EEF1AKMT1: variants seen among roughly 807,000 people sequenced by gnomAD.
The protein encoded by EEF1AKMT1 is EEF1A lysine methyltransferase 1.
Under a neutral mutation model 21.0 loss-of-function variants are expected in EEF1AKMT1, and 18 were observed. That is an observed-to-expected ratio of 0.86 (90% CI 0.59 to 1.27). The LOEUF (loss-of-function observed/expected upper bound fraction) is 1.27. Among genes scored for constraint, EEF1AKMT1 ranks in the 50% most tolerant of loss-of-function variants. EEF1AKMT1 has a pLI of 0.00. For synonymous variants in EEF1AKMT1, 109 were observed against 94.8 expected, an observed-to-expected ratio of 1.15 and a Z score of -0.87; for missense variants, 246 against 258.6, an observed-to-expected ratio of 0.95 and a Z score of 0.33.
At chr13:20,747,398 C>A in intron 2 of EEF1AKMT1, 1 of 228,302 alleles carries the variant, frequency 4.4e-6, no homozygotes, top group Admixed American at 4.1e-5. Flanking sequence ...CACTCAGTTG[C>A]CCTCAACACA....
At chr13:20,730,204 C>T (rs1174722280) in intron 4 of EEF1AKMT1, among the ~76,000 whole-genome samples, 5 of 152,232 alleles carry the variant, frequency 3.3e-5, no homozygotes, top group African/African-American at 9.6e-5. Context: ...GAGGCCAGAG[C>T]GCTGCCTGCT....
intron 3 of EEF1AKMT1, among the ~76,000 whole-genome samples, chr13:20,736,340 G>T (rs997771045): frequency 2.0e-5 from 3 of 152,146 alleles, no homozygotes; most frequent in Admixed American, 1.3e-4. Context: ...TCACAATCAA[G>T]AGGAAGGGTA....
chr13:20,765,033 G>A (rs1373218976), intron 1 of EEF1AKMT1, among the ~76,000 whole-genome samples: 3 of 151,874 alleles, frequency 2.0e-5, no homozygotes, highest in Non-Finnish European at 4.4e-5. Flanking sequence ...AGGCTGAGGC[G>A]GGTGGATCAC....
intron 1 of EEF1AKMT1, chr13:20,769,090 C>T (rs567453025): frequency 3.9e-5 from 6 of 152,160 alleles, no homozygotes; most frequent in Admixed American, 1.3e-4. Flanking sequence ...ATGGTTGTCA[C>T]TGGGAAGTCT....
Position 20,743,794 on chromosome 13 carries a change from A to T in EEF1AKMT1, c.145-5989T>A, listed in dbSNP as rs947560288. On this transcript the variant is annotated intron_variant, in intron 2 of 4. Coordinates refer to ENST00000382758, the MANE Select transcript of EEF1AKMT1 (RefSeq NM_001318939.2). ...CTAATCAACCCATCATGTAGGTTTTAAGCCCCACATGCATGAGGTATTTGT... is the reference window on the plus strand; with the variant it reads ...CTAATCAACCCATCATGTAGGTTTTTAGCCCCACATGCATGAGGTATTTGT... 2.6e-5 allele frequency among the ~76,000 whole-genome samples: 4 copies of T among 151,358 alleles called. No individual in the cohort carries two copies. In the Admixed American group the frequency reaches 2.6e-4, roughly 10 times the overall value.
At chr13:20,737,211 A>C (rs1347979996) in intron 3 of EEF1AKMT1, among the ~76,000 whole-genome samples, 2 of 151,966 alleles carry the variant, frequency 1.3e-5, no homozygotes, top group African/African-American at 4.8e-5. Context: ...TAAAAATACA[A>C]AAATTAGGTG....
chr13:20,731,792 G>A (rs2058797382), intron 4 of EEF1AKMT1, 49 bp downstream of exon 4: 2 of 1,562,484 alleles, frequency 1.3e-6, no homozygotes, highest in South Asian at 1.2e-5. Context: ...CTGAAGACCT[G>A]AATAGCCACT....
At chr13:20,770,945 T>A (rs1219565292) in intron 1 of EEF1AKMT1, among the ~76,000 whole-genome samples, 1 of 151,912 alleles carries the variant, frequency 6.6e-6, no homozygotes, top group African/African-American at 2.4e-5. Flanking sequence ...AGTGGTGCGA[T>A]TGTGGCTCCC....
In EEF1AKMT1 at chr13:20,729,175, T is replaced by G. The variant is rs1368715713; in HGVS notation, c.550A>C (p.Lys184Gln). 6.2e-7 allele frequency: 1 copy of G among 1,614,196 alleles called. No individual in the cohort carries two copies. The highest frequency in any genetic ancestry group is 2.2e-5 in the East Asian group (1 of 44,880). The change falls in exon 5 of 5, where the codon AAG (lysine) becomes CAG (glutamine). Residue 184 changes from lysine to glutamine, a missense_variant. Lys to Gln is a moderately conservative substitution (Grantham distance 53). Coordinates refer to ENST00000382758, the MANE Select transcript of EEF1AKMT1 (RefSeq NM_001318939.2). Reference protein sequence around the residue: ...EEQAAELLGVKMCTFVPRHTR... With the variant: ...EEQAAELLGVQMCTFVPRHTR... ...TGTCTTGGAACAAACGTGCACATCT[T>G]CACTCCAAGGAGTTCTGCTGCCTGT... is the stretch of plus-strand genomic sequence containing the variant.
At chr13:20,735,375 G>C (rs1170825412) in intron 3 of EEF1AKMT1, among the ~76,000 whole-genome samples, 2 of 152,258 alleles carry the variant, frequency 1.3e-5, no homozygotes, top group Admixed American at 6.5e-5. Flanking sequence ...TGTCTGGATG[G>C]GGGGGATGCT....
chr13:20,729,868 C>T (rs572759724), intron 4 of EEF1AKMT1, among the ~76,000 whole-genome samples: 1 of 152,220 alleles, frequency 6.6e-6, no homozygotes, highest in East Asian at 1.9e-4. Context: ...GCAGCAACAG[C>T]CCGCGGTGCC....
At chr13:20,759,072 G>A (rs2058985432) in intron 1 of EEF1AKMT1, among the ~76,000 whole-genome samples, 1 of 152,084 alleles carries the variant, frequency 6.6e-6, no homozygotes, top group African/African-American at 2.4e-5. Context: ...AAAACTCAAG[G>A]AGAAAACTTA....
rs1555326495 is a variant in EEF1AKMT1 at position 20,748,715 on chromosome 13, G to GGT, written c.144+8739_144+8740insAC. On this transcript the variant is annotated intron_variant, in intron 2 of 4. Coordinates refer to ENST00000382758, the MANE Select transcript of EEF1AKMT1 (RefSeq NM_001318939.2). The stretch of plus-strand genomic sequence containing the variant: ...TTCTTCACCCTCCTAATGTATAGTT[G>GGT]TTTTTTTTTGGTTTTTTTTTTTTTT... Among the ~76,000 whole-genome samples the GGT allele has an allele frequency of 3.5e-4, 37 of 105,840 alleles. 1 individual carries two copies. Among genetic ancestry groups the GGT allele is most frequent in the East Asian group, 8.9e-4 (3 of 3,384 alleles). 69.4% of individuals were successfully genotyped at this position (105,840 alleles called of 152,430 possible). A position where few individuals can be genotyped will look rare whatever the true frequency, so the allele number is the denominator to read the frequency against.
intron 1 of EEF1AKMT1, among the ~76,000 whole-genome samples, chr13:20,768,141 T>C (rs988277560): frequency 8.5e-5 from 13 of 152,248 alleles, no homozygotes; most frequent in African/African-American, 3.1e-4. Context: ...TGGATTGTAT[T>C]TTCTTGCTTT....
intron 2 of EEF1AKMT1, among the ~76,000 whole-genome samples, chr13:20,739,198 T>C (rs991615450): frequency 6.6e-6 from 1 of 152,128 alleles, no homozygotes; most frequent in East Asian, 1.9e-4. Flanking sequence ...GGTTGGTAAC[T>C]TCGCTGGTTT....
intron 1 of EEF1AKMT1, among the ~76,000 whole-genome samples, chr13:20,770,130 A>G (rs922628686): frequency 6.6e-6 from 1 of 152,226 alleles, no homozygotes; most frequent in African/African-American, 2.4e-5. Context: ...ATTCCCTTGG[A>G]AAAGAAGGAA....
At chr13:20,757,685 A>C (rs1566536563) in intron 1 of EEF1AKMT1, 68 bp from the exon 2 acceptor site, 6 of 1,309,312 alleles carry the variant, frequency 4.6e-6, no homozygotes, top group Non-Finnish European at 5.2e-6. Context: ...ATAATTTTTA[A>C]AAATTTTTAT....
chr13:20,730,794 G>A (rs2058788527), intron 4 of EEF1AKMT1, among the ~76,000 whole-genome samples: 1 of 152,134 alleles, frequency 6.6e-6, no homozygotes, highest in African/African-American at 2.4e-5. Context: ...ACGTGGGCAG[G>A]GACAAACGAG....
chr13:20,738,074 A>G (rs956976391), intron 2 of EEF1AKMT1, among the ~76,000 whole-genome samples: 4 of 152,220 alleles, frequency 2.6e-5, no homozygotes, highest in Non-Finnish European at 5.9e-5. Context: ...GAGACAACCA[A>G]TGTTTTTCCC....
Sources: gnomAD v4.1 joint callset for allele counts (sites outside exome capture counted in the v4.1 genomes callset) on GRCh38, gnomAD v4.1.1 for gene constraint, MANE v1.5 for transcripts, NCBI Gene and HGNC (gene_info 2026-07-23, HGNC 2026-07-21) for gene names.